Variants in POF1B observed in about 807,000 individuals in gnomAD.
POF1B encodes the protein protein POF1B.
In POF1B, 53 loss-of-function variants were observed where a neutral mutation model predicts 55.3. The observed-to-expected ratio is 0.96, with a 90% confidence interval of 0.77 to 1.20. The LOEUF (loss-of-function observed/expected upper bound fraction) is 1.20. POF1B is among the 50% of genes most tolerant of loss of function. POF1B has a pLI of 0.00. For synonymous variants in POF1B, 188 were observed against 148.3 expected (o/e 1.27, Z -1.95); for missense variants, 478 against 420.5 (o/e 1.14, Z -1.20).
intron 5 of POF1B, among the ~76,000 whole-genome samples, chrX:85,347,134 A>T (rs1933289502): frequency 9.0e-6 from 1 of 111,137 alleles, no homozygotes; most frequent in African/African-American, 3.3e-5. Context: ...GCATACTTGA[A>T]TTTGCTTTCT....
chrX:85,327,010 G>A (rs373765221), intron 7 of POF1B, among the ~76,000 whole-genome samples: 7 of 110,650 alleles, frequency 6.3e-5, no homozygotes, highest in African/African-American at 2.3e-4. Flanking sequence ...GTTTCCCTAG[G>A]GCTAAAGTGT....
Position 85,314,496 on chromosome X carries a change from A to G in POF1B, c.893T>C (p.Ile298Thr), listed in dbSNP as rs151198515. The G allele has an allele frequency of 5.0e-5, 59 of 1,190,542 alleles. No homozygotes were observed. Among genetic ancestry groups the G allele is most frequent in the African/African-American group, 2.1e-4 (12 of 56,159 alleles). Residue 298 changes from isoleucine to threonine, a missense_variant, in exon 9 of 17, where the codon ATT (isoleucine) becomes ACT (threonine). Coordinates refer to ENST00000262753, the MANE Select transcript of POF1B (RefSeq NM_024921.4). ...TAATCCTTTAGGAATCAATGATTCAATGTCTTCCGACTGTAAGAAAAAAAG... is the reference window on the plus strand; with the variant it reads ...TAATCCTTTAGGAATCAATGATTCAGTGTCTTCCGACTGTAAGAAAAAAAG... ...DFESTDESED[I>T]ESLIPKGLSE...
intron 7 of POF1B, among the ~76,000 whole-genome samples, chrX:85,317,733 G>T (rs1454202608): frequency 1.8e-5 from 2 of 111,488 alleles, no homozygotes; most frequent in Non-Finnish European, 3.8e-5. Flanking sequence ...ATACCCAAAA[G>T]AATATAAATA....
chrX:85,329,985 A>C (rs1932949393), intron 7 of POF1B, among the ~76,000 whole-genome samples: 2 of 109,858 alleles, frequency 1.8e-5, no homozygotes, highest in Non-Finnish European at 1.9e-5. Flanking sequence ...TATATTATTT[A>C]AAATCTAAGA....
At chrX:85,352,267 G>T (rs922045443) in intron 4 of POF1B, among the ~76,000 whole-genome samples, 1 of 110,954 alleles carries the variant, frequency 9.0e-6, no homozygotes, top group Non-Finnish European at 1.9e-5. Flanking sequence ...ATCTGGAGTT[G>T]TTTTGTTTGT....
At chrX:85,375,371 CCA>C (rs749933888) in intron 2 of POF1B, among the ~76,000 whole-genome samples, 1 of 111,135 alleles carries the variant, frequency 9.0e-6, no homozygotes, top group Non-Finnish European at 1.9e-5. Context: ...TCATATCTTG[CCA>C]CACACACACC....
At chrX:85,347,964 A>G (rs906245574) in intron 5 of POF1B, among the ~76,000 whole-genome samples, 2 of 111,667 alleles carry the variant, frequency 1.8e-5, no homozygotes. Flanking sequence ...GGCTATTGAA[A>G]TAGAAGCTCT....
intron 6 of POF1B, among the ~76,000 whole-genome samples, chrX:85,339,865 T>C (rs1933140788): frequency 9.0e-6 from 1 of 111,299 alleles, no homozygotes; most frequent in Admixed American, 9.5e-5. Flanking sequence ...AGTGGAGCAT[T>C]GAAGGAATTT....
chrX:85,299,181 CTT>C (rs1192466719), intron 15 of POF1B, among the ~76,000 whole-genome samples: 2 of 88,631 alleles, frequency 2.3e-5, no homozygotes, highest in African/African-American at 9.1e-5. Context: ...TTAAAACAAT[CTT>C]TTTTTTTCTT....
At chrX:85,284,644 CA>C (rs34195487) in intron 15 of POF1B, among the ~76,000 whole-genome samples, 23,595 of 110,459 alleles carry the variant, frequency 0.21, 2,444 homozygotes, top group African/African-American at 0.4. Context: ...ACACCTTATA[CA>C]AAAATTAATT....
chrX:85,345,798 G>T, intron 6 of POF1B, 62 bp downstream of exon 6: 2 of 986,442 alleles, frequency 2.0e-6, no homozygotes, highest in African/African-American at 1.9e-5. Context: ...CCTGCATAGT[G>T]GTATGAGAAG....
At chrX:85,347,689 A>G (rs1272129776) in intron 5 of POF1B, among the ~76,000 whole-genome samples, 2 of 111,324 alleles carry the variant, frequency 1.8e-5, no homozygotes, top group African/African-American at 6.5e-5. Flanking sequence ...AAATAAACAC[A>G]TTTTACAAAT....
intron 4 of POF1B, among the ~76,000 whole-genome samples, chrX:85,352,557 G>A (rs1308638844): frequency 9.0e-6 from 1 of 111,080 alleles, no homozygotes; most frequent in Non-Finnish European, 1.9e-5. Context: ...TGTTCCTTGG[G>A]GACTTTGGTA....
chrX:85,337,522 C>A (rs935267450), intron 6 of POF1B, among the ~76,000 whole-genome samples: 2 of 111,177 alleles, frequency 1.8e-5, no homozygotes, highest in African/African-American at 6.5e-5. Flanking sequence ...GCAGGGAGGA[C>A]AATCGGTGGA....
At chrX:85,299,212 G>A (rs1276438066) in intron 15 of POF1B, among the ~76,000 whole-genome samples, 2 of 81,126 alleles carry the variant, frequency 2.5e-5, no homozygotes, top group African/African-American at 9.9e-5. Context: ...TTTTTTTTGA[G>A]ACGGAGTCTT....
intron 7 of POF1B, among the ~76,000 whole-genome samples, chrX:85,316,541 C>T (rs1166130883): frequency 3.6e-5 from 4 of 110,788 alleles, no homozygotes; most frequent in Non-Finnish European, 5.7e-5. Flanking sequence ...AACTTGTTCC[C>T]GCTCCACTTG....
intron 15 of POF1B, among the ~76,000 whole-genome samples, chrX:85,302,089 A>C (rs1932471290): frequency 9.0e-6 from 1 of 111,698 alleles, no homozygotes; most frequent in South Asian, 3.7e-4. Context: ...GCAAGAAAAA[A>C]TATAGATGAA....
At chrX:85,378,629 C>T (rs1317950419) in intron 2 of POF1B, among the ~76,000 whole-genome samples, 3 of 111,611 alleles carry the variant, frequency 2.7e-5, no homozygotes, top group East Asian at 2.8e-4. Context: ...CTAGGCTGTA[C>T]GATAAAAAGT....
chrX:85,365,338 T>C (rs970066633), intron 3 of POF1B, among the ~76,000 whole-genome samples: 24 of 112,028 alleles, frequency 2.1e-4, no homozygotes, highest in African/African-American at 5.8e-4. Flanking sequence ...TCTGGCCTTT[T>C]GAGTTGCCAG....
Sources: gnomAD v4.1 joint callset for allele counts (sites outside exome capture counted in the v4.1 genomes callset) on GRCh38, gnomAD v4.1.1 for gene constraint, MANE v1.5 for transcripts, NCBI Gene and HGNC (gene_info 2026-07-23, HGNC 2026-07-21) for gene names.